SAMMSON: variants seen among roughly 807,000 people sequenced by gnomAD.
The protein encoded by SAMMSON is long intergenic non-protein coding RNA 1212.
chr3:70,085,002 A>C (rs940580442), intron 4 of SAMMSON, among the ~76,000 whole-genome samples: 1 of 152,104 alleles, frequency 6.6e-6, no homozygotes, highest in African/African-American at 2.4e-5. Flanking sequence ...GACTGGGTGG[A>C]TGTAGGTGAG....
chr3:70,177,474 C>T (rs1448006539), intron 4 of SAMMSON, among the ~76,000 whole-genome samples: 5 of 152,182 alleles, frequency 3.3e-5, no homozygotes, highest in African/African-American at 1.2e-4. Flanking sequence ...GTACATATGT[C>T]TGGGGTGTCG....
chr3:70,291,809 T>G (rs1205748734), intron 7 of SAMMSON: 5 of 152,234 alleles, frequency 3.3e-5, no homozygotes, highest in African/African-American at 1.2e-4. Context: ...ATACATTGTC[T>G]TTTTAATGCT....
At chr3:70,374,470 A>T (rs1371799255) in intron 9 of SAMMSON, among the ~76,000 whole-genome samples, 1 of 152,198 alleles carries the variant, frequency 6.6e-6, no homozygotes, top group Non-Finnish European at 1.5e-5. Flanking sequence ...AGGTGGGGAT[A>T]GAAGTCCAAG....
intron 4 of SAMMSON, among the ~76,000 whole-genome samples, chr3:70,090,779 T>TA (rs78510916): frequency 0.092 from 13,079 of 141,792 alleles, 629 homozygotes; most frequent in Non-Finnish European, 0.12. Context: ...AAATTAAACT[T>TA]AAAAAAAAAA....
chr3:70,095,057 T>C (rs1176913997), intron 4 of SAMMSON, among the ~76,000 whole-genome samples: 1 of 152,176 alleles, frequency 6.6e-6, no homozygotes, highest in Non-Finnish European at 1.5e-5. Flanking sequence ...GGGGTCAGCA[T>C]GAAACAATGT....
chr3:70,013,637 T>C (rs926122456), exon 3 of SAMMSON: 1 of 152,166 alleles, frequency 6.6e-6, no homozygotes, highest in African/African-American at 2.4e-5. Context: ...TGTATAAACA[T>C]GGCACATCCT....
intron 2 of SAMMSON, among the ~76,000 whole-genome samples, chr3:70,423,333 A>G (rs1701327113): frequency 6.6e-6 from 1 of 152,142 alleles, no homozygotes; most frequent in African/African-American, 2.4e-5. Context: ...TGTTGTAAGA[A>G]TGGTCCCTTT....
chr3:70,308,637 G>T (rs1167517139), intron 7 of SAMMSON, among the ~76,000 whole-genome samples: 1 of 152,124 alleles, frequency 6.6e-6, no homozygotes, highest in Non-Finnish European at 1.5e-5. Context: ...TGAGATGAAT[G>T]AATAATAAGG....
At chr3:70,411,058 C>T (rs115427074) in intron 2 of SAMMSON, among the ~76,000 whole-genome samples, 1,826 of 152,268 alleles carry the variant, frequency 0.012, 37 homozygotes, top group African/African-American at 0.038. Flanking sequence ...TTATTTACCC[C>T]TACCCCGCGC....
chr3:70,286,605 G>A (rs1702166490), intron 6 of SAMMSON, among the ~76,000 whole-genome samples: 2 of 151,878 alleles, frequency 1.3e-5, no homozygotes, highest in African/African-American at 4.8e-5. Flanking sequence ...GAAAGTCATT[G>A]GTAGCTTGAT....
chr3:70,261,112 G>C (rs1701861315), intron 6 of SAMMSON, among the ~76,000 whole-genome samples: 1 of 152,072 alleles, frequency 6.6e-6, no homozygotes, highest in African/African-American at 2.4e-5. Flanking sequence ...TAGAAAAAAG[G>C]CACAAAAATC....
intron 4 of SAMMSON, among the ~76,000 whole-genome samples, chr3:70,218,868 G>A (rs1701437570): frequency 6.6e-6 from 1 of 152,060 alleles, no homozygotes; most frequent in Admixed American, 6.6e-5. Flanking sequence ...CAGCATTCAA[G>A]CATGTTGAGG....
chr3:70,268,891 G>A (rs989833661), intron 6 of SAMMSON, among the ~76,000 whole-genome samples: 7 of 151,940 alleles, frequency 4.6e-5, no homozygotes, highest in Non-Finnish European at 1.0e-4. Context: ...TTTTTCTGGA[G>A]CACATATTAT....
intron 4 of SAMMSON, among the ~76,000 whole-genome samples, chr3:70,124,039 C>T (rs1186374312): frequency 2.6e-5 from 4 of 152,304 alleles, no homozygotes; most frequent in South Asian, 2.1e-4. Context: ...CCAGCTTCCT[C>T]GCTGACTAAC....
chr3:70,222,683 A>C (rs1000670804), intron 4 of SAMMSON, among the ~76,000 whole-genome samples: 3 of 152,300 alleles, frequency 2.0e-5, no homozygotes, highest in South Asian at 2.1e-4. Flanking sequence ...CTAATGGACT[A>C]TTCAAACCTG....
At chr3:70,170,258 T>A (rs1253172881) in intron 4 of SAMMSON, among the ~76,000 whole-genome samples, 2 of 151,886 alleles carry the variant, frequency 1.3e-5, no homozygotes, top group African/African-American at 2.4e-5. Context: ...GGAAAGGTTT[T>A]TTTTTCACTT....
rs1701292345 is a variant in SAMMSON, at chr3:70,206,548, G to A, written n.508-42559G>A. 2.3e-5 allele frequency: 9 copies of A among 397,344 alleles called. No individual in the cohort carries two copies. In the East Asian group the frequency reaches 3.2e-4, roughly 14 times the overall value. The allele number at this position is 397,344 out of a possible 1,614,324, so 24.6% of individuals were successfully genotyped here. A position where few individuals can be genotyped will look rare whatever the true frequency, so the allele number is the denominator to read the frequency against. On this transcript the variant is annotated intron_variant and non_coding_transcript_variant, in intron 4 of 9. Coordinates refer to ENST00000642114, the Ensembl canonical transcript of SAMMSON. ...GGTTGGGAGCTTTATTTAGAGATGG[G>A]TTGAATTCTGAGAAACATACCATCA...
intron 7 of SAMMSON, among the ~76,000 whole-genome samples, chr3:70,304,136 T>A (rs1330766903): frequency 2.6e-5 from 4 of 152,058 alleles, no homozygotes; most frequent in African/African-American, 7.2e-5. Flanking sequence ...CCAGCCAAGC[T>A]CTCTACACTC....
At chr3:70,079,540 C>T (rs2067260465) in intron 4 of SAMMSON, among the ~76,000 whole-genome samples, 1 of 152,136 alleles carries the variant, frequency 6.6e-6, no homozygotes, top group Non-Finnish European at 1.5e-5. Context: ...TTTTTCCTTG[C>T]AGTACAGTAG....
Sources: allele counts gnomAD v4.1 joint callset (sites outside exome capture counted in the v4.1 genomes callset), GRCh38; gene constraint gnomAD v4.1.1; transcripts MANE v1.5; gene names NCBI Gene and HGNC (gene_info 2026-07-23, HGNC 2026-07-21).